ACOT7: variants seen among roughly 807,000 people sequenced by gnomAD.
ACOT7 encodes the protein acyl-CoA thioesterase 7.
In ACOT7, 12 loss-of-function variants were observed where a neutral mutation model predicts 40.2. The ratio of observed to expected loss-of-function variants is 0.30; its 90% CI spans 0.19 to 0.48. ACOT7 has a LOEUF of 0.48. Ranked by LOEUF, ACOT7 falls within the 20% of genes least tolerant of loss-of-function variation. ACOT7 has a pLI of 0.99. For missense variants in ACOT7, 395 were observed against 530.8 expected, an observed-to-expected ratio of 0.74 and a Z score of 2.51; for synonymous variants, 228 against 219.5, an observed-to-expected ratio of 1.04 and a Z score of -0.34.
chr1:6,343,240 C>T (rs1433400989), intron 2 of ACOT7, among the ~76,000 whole-genome samples: 2 of 152,184 alleles, frequency 1.3e-5, no homozygotes, highest in Non-Finnish European at 2.9e-5. Flanking sequence ...TCCCACCTAC[C>T]GCCTGCCGCC....
At chr1:6,333,414 T>C in intron 4 of ACOT7, 63 bp downstream of exon 4, 1 of 1,578,656 alleles carries the variant, frequency 6.3e-7, no homozygotes, top group Non-Finnish European at 8.7e-7. Context: ...CCTCCCAACA[T>C]CAGGTGAGGT....
intron 1 of ACOT7, among the ~76,000 whole-genome samples, chr1:6,351,104 T>C (rs559818463): frequency 4.7e-4 from 71 of 152,350 alleles, no homozygotes; most frequent in African/African-American, 1.7e-3. Flanking sequence ...ACCCACCATC[T>C]GGCCACAGGA....
At chr1:6,323,801 G>C (rs943051110) in intron 5 of ACOT7, among the ~76,000 whole-genome samples, 1 of 135,912 alleles carries the variant, frequency 7.4e-6, no homozygotes, top group Non-Finnish European at 1.6e-5. Flanking sequence ...ATTGGACAAA[G>C]GACTTTTAAG....
At chr1:6,374,039 G>T (rs1319887351) in intron 1 of ACOT7, among the ~76,000 whole-genome samples, 1 of 152,170 alleles carries the variant, frequency 6.6e-6, no homozygotes, top group Non-Finnish European at 1.5e-5. Context: ...GCCTTTTAGA[G>T]AATTAAATAT....
chr1:6,390,401 A>G (rs71629789), intron 1 of ACOT7, among the ~76,000 whole-genome samples: 126 of 141,346 alleles, frequency 8.9e-4, no homozygotes, highest in East Asian at 6.3e-3. Flanking sequence ...GTGAAACCCC[A>G]TCTCTACTAA....
chr1:6,305,462 A>T (rs1361709058), intron 6 of ACOT7, among the ~76,000 whole-genome samples: 17 of 147,178 alleles, frequency 1.2e-4, no homozygotes, highest in Non-Finnish European at 2.5e-4. Flanking sequence ...GACGCTCCTC[A>T]CTTCCCAGAC....
rs1473034234 is a variant in ACOT7 at position 6,358,407 on chromosome 1, A to G, written c.144-8541T>C. Among the ~76,000 whole-genome samples, 1 of 152,130 alleles carries G rather than the reference A, an allele frequency of 6.6e-6. No homozygotes were observed. Among genetic ancestry groups the G allele is most frequent in the Non-Finnish European group, 1.5e-5 (1 of 68,018 alleles). ...GACTGACCCAGGAGGCTCCTTGTGC[A>G]GCCCACAGACCCCCCCTCCACCGCA... is the stretch of plus-strand genomic sequence containing the variant. On this transcript the variant is annotated intron_variant, in intron 1 of 8. Transcript: ENST00000361521. This position sits in a 1 kb window ranked among gnomAD's most constrained non-coding sequence, Gnocchi z 4.1.
chr1:6,310,917 T>C (rs1329895864), intron 6 of ACOT7, among the ~76,000 whole-genome samples: 4 of 152,166 alleles, frequency 2.6e-5, no homozygotes, highest in Non-Finnish European at 5.9e-5. Context: ...TTTGTATTTT[T>C]AGTAGAGACG....
intron 1 of ACOT7, among the ~76,000 whole-genome samples, chr1:6,379,119 C>A (rs1049143099): frequency 3.3e-5 from 5 of 151,928 alleles, no homozygotes; most frequent in Non-Finnish European, 5.9e-5. Context: ...TGGTCCCGAT[C>A]TCCTGACTTC....
chr1:6,327,219 C>G, intron 5 of ACOT7, 80 bp downstream of exon 5: 1 of 1,402,044 alleles, frequency 7.1e-7, no homozygotes, highest in Non-Finnish European at 9.9e-7. Context: ...GCATGAGGCT[C>G]ACGTAGGCCC....
rs917790046 is a variant in ACOT7, at chr1:6,276,229, C to T, written c.1014+4873G>A. Among the ~76,000 whole-genome samples, 5 of 152,164 alleles carry T rather than the reference C, an allele frequency of 3.3e-5. No homozygotes were observed. In the South Asian group the frequency reaches 6.2e-4, roughly 19 times the overall value. On this transcript the variant is annotated intron_variant, in intron 8 of 8. Transcript: ENST00000361521. ...CAGCCCCCACCTGAGGTGCCAGGGA[C>T]GTCCTCCGCTTCAGCAGACACACGG... is the stretch of plus-strand genomic sequence containing the variant.
chr1:6,268,094 A>G (rs372322487), intron 8 of ACOT7, among the ~76,000 whole-genome samples: 5 of 152,212 alleles, frequency 3.3e-5, no homozygotes, highest in Admixed American at 6.5e-5. Context: ...CTGGGGGACC[A>G]GTGGTGGCTA....
At chr1:6,353,665 G>T (rs868807934) in intron 1 of ACOT7, among the ~76,000 whole-genome samples, 2 of 152,208 alleles carry the variant, frequency 1.3e-5, no homozygotes, top group South Asian at 4.1e-4. Flanking sequence ...AAATACATTT[G>T]TCTATCTCTA....
intron 6 of ACOT7, among the ~76,000 whole-genome samples, chr1:6,312,470 T>C (rs1007514959): frequency 2.0e-5 from 3 of 151,080 alleles, no homozygotes; most frequent in African/African-American, 7.3e-5. Flanking sequence ...TCTTTCTTTA[T>C]TTCTTTATTT....
chr1:6,342,827 T>C (rs1346451871), intron 2 of ACOT7, among the ~76,000 whole-genome samples: 1 of 152,250 alleles, frequency 6.6e-6, no homozygotes, highest in African/African-American at 2.4e-5. Flanking sequence ...TGGTCCTAAG[T>C]GTTTCTCGGA....
At chr1:6,286,111 C>T (rs550122079) in intron 7 of ACOT7, among the ~76,000 whole-genome samples, 5 of 152,214 alleles carry the variant, frequency 3.3e-5, no homozygotes, top group Non-Finnish European at 7.3e-5. Flanking sequence ...TTGGTCCTGA[C>T]AATCAGCCCA....
intron 6 of ACOT7, among the ~76,000 whole-genome samples, chr1:6,315,452 C>T (rs1640462765): frequency 6.6e-6 from 1 of 151,972 alleles, no homozygotes; most frequent in South Asian, 2.1e-4. Context: ...GTTACCAGGC[C>T]CTATAAGAGA....
At position 6,276,398 on chromosome 1, in the gene ACOT7, C is replaced by T. The variant is rs541278735; in HGVS notation, c.1014+4704G>A. Among the ~76,000 whole-genome samples the T allele has an allele frequency of 5.9e-5, 9 of 152,254 alleles. No homozygotes were observed. In the South Asian group the frequency reaches 1.5e-3, roughly 25 times the overall value. ...TGCCACGGGGAGGCCTGCCTCTACG[C>T]GCTGAGTTGGCCTCTTCTAATACGA... On this transcript the variant is annotated intron_variant, in intron 8 of 8. Transcript: ENST00000361521.
intron 1 of ACOT7, among the ~76,000 whole-genome samples, chr1:6,387,584 C>T (rs1642460387): frequency 6.6e-6 from 1 of 152,132 alleles, no homozygotes; most frequent in South Asian, 2.1e-4. Context: ...AGTGAGAGGC[C>T]AAGGGGTGGG....
Sources: gnomAD v4.1 joint callset for allele counts (sites outside exome capture counted in the v4.1 genomes callset) on GRCh38, gnomAD v4.1.1 for gene constraint, Gnocchi (gnomAD v3.1) non-coding constraint, MANE v1.5 for transcripts, NCBI Gene and HGNC (gene_info 2026-07-23, HGNC 2026-07-21) for gene names.